Variants in UBE2E2 observed in about 807,000 individuals in gnomAD.
UBE2E2 encodes the protein ubiquitin-conjugating enzyme E2 E2.
Under a neutral mutation model 24.7 loss-of-function variants are expected in UBE2E2, and 6 were observed. That is an observed-to-expected ratio of 0.24 (90% CI 0.13 to 0.48). The LOEUF is 0.48. UBE2E2 is among the 20% of genes least tolerant of loss of function. The pLI, the probability that UBE2E2 is intolerant of heterozygous loss-of-function variation, is 0.99. For synonymous variants in UBE2E2, 104 were observed against 83.6 expected, an observed-to-expected ratio of 1.24 and a Z score of -1.33; for missense variants, 169 against 245.0, an observed-to-expected ratio of 0.69 and a Z score of 2.07.
At chr3:23,466,075 G>A (rs1698913143) in intron 3 of UBE2E2, among the ~76,000 whole-genome samples, 1 of 152,080 alleles carries the variant, frequency 6.6e-6, no homozygotes, top group Non-Finnish European at 1.5e-5. Context: ...ATTGTCACCA[G>A]AAGTATGCAG....
chr3:23,583,638 C>A lies in UBE2E2; in HGVS notation c.509-6096C>A, dbSNP rs1434465090. Among the ~76,000 whole-genome samples, 1 of 152,110 alleles carries A rather than the reference C, an allele frequency of 6.6e-6. No individual in the cohort carries two copies. The highest frequency in any genetic ancestry group is 1.5e-5 in the Non-Finnish European group (1 of 68,000). On this transcript the variant is annotated intron_variant, in intron 5 of 5. Coordinates refer to ENST00000396703, the MANE Select transcript of UBE2E2 (RefSeq NM_152653.4). The surrounding 1 kb of genome is among the most constrained non-coding windows in gnomAD (Gnocchi z 4.1). ...TGTAATTCTCATTGTAAAGATCTTT[C>A]ACCTCCCTGGTTAGCTGTATTTTAT...
chr3:23,560,287 A>T (rs1277844444), intron 5 of UBE2E2, among the ~76,000 whole-genome samples: 55 of 136,326 alleles, frequency 4.0e-4, no homozygotes, highest in African/African-American at 1.5e-3. Flanking sequence ...TCGTTGTTCA[A>T]TTCCCACCTA....
At chr3:23,208,466 A>G (rs1330270739) in intron 1 of UBE2E2, among the ~76,000 whole-genome samples, 2 of 152,218 alleles carry the variant, frequency 1.3e-5, no homozygotes, top group African/African-American at 4.8e-5. Context: ...TAATGTTGCT[A>G]TGAACATTTC....
intron 3 of UBE2E2, among the ~76,000 whole-genome samples, chr3:23,452,586 C>G (rs1698584845): frequency 6.6e-6 from 1 of 152,184 alleles, no homozygotes; most frequent in Non-Finnish European, 1.5e-5. Context: ...TAGAATAACA[C>G]TGTAACTTGA....
At chr3:23,424,174 A>G (rs745440300) in intron 3 of UBE2E2, among the ~76,000 whole-genome samples, 15 of 152,352 alleles carry the variant, frequency 9.8e-5, no homozygotes, top group South Asian at 2.1e-4. Context: ...TGAATAAGAT[A>G]TAAATGTTTA....
intron 3 of UBE2E2, among the ~76,000 whole-genome samples, chr3:23,270,381 C>G (rs1218856644): frequency 1.3e-5 from 2 of 152,036 alleles, no homozygotes; most frequent in Non-Finnish European, 2.9e-5. Context: ...TGTCTTTTGC[C>G]GTTCCTGCAC....
intron 5 of UBE2E2, among the ~76,000 whole-genome samples, chr3:23,578,810 C>G (rs771769011): frequency 6.6e-6 from 1 of 152,112 alleles, no homozygotes; most frequent in Non-Finnish European, 1.5e-5. Flanking sequence ...GGAAGAATAA[C>G]TAATGGATGC....
At chr3:23,208,970 C>T (rs998026340) in intron 2 of UBE2E2, 95 bp downstream of exon 2, 16 of 1,275,022 alleles carry the variant, frequency 1.3e-5, no homozygotes, top group South Asian at 8.5e-5. Flanking sequence ...TCTGGGATGT[C>T]GGCCGTGAAC....
At chr3:23,335,522 T>A (rs1018892898) in intron 3 of UBE2E2, among the ~76,000 whole-genome samples, 1 of 152,148 alleles carries the variant, frequency 6.6e-6, no homozygotes, top group Non-Finnish European at 1.5e-5. Flanking sequence ...AATTACTGTT[T>A]AGTGAAATTT....
rs541350073 is a variant in UBE2E2, at chr3:23,499,195, G to T, written c.228-413G>T. On this transcript the variant is annotated intron_variant, in intron 3 of 5. Transcript: ENST00000396703. The stretch of plus-strand genomic sequence containing the variant: ...TGATATTTGAGCAGAGACTTTGGAT[G>T]ATGAACATTGAACCTCCTTTGTGTT... Among the ~76,000 whole-genome samples, 19 of 152,316 alleles carry T rather than the reference G, an allele frequency of 1.2e-4. 1 individual carries two copies. The highest frequency in any genetic ancestry group is 4.6e-4 in the African/African-American group (19 of 41,580).
chr3:23,209,411 TTGAA>T (rs1696254226), intron 2 of UBE2E2, among the ~76,000 whole-genome samples: 1 of 152,196 alleles, frequency 6.6e-6, no homozygotes, highest in African/African-American at 2.4e-5. Flanking sequence ...AAGTAGGTAT[TTGAA>T]TGATTTTCTG....
chr3:23,506,410 C>T (rs1694458390), intron 4 of UBE2E2, among the ~76,000 whole-genome samples: 1 of 152,172 alleles, frequency 6.6e-6, no homozygotes, highest in South Asian at 2.1e-4. Flanking sequence ...TCTTTTTTTC[C>T]AGTTGCTAAA....
chr3:23,534,915 C>T (rs1695215028), intron 5 of UBE2E2, among the ~76,000 whole-genome samples: 2 of 152,170 alleles, frequency 1.3e-5, no homozygotes, highest in Non-Finnish European at 2.9e-5. Context: ...ACAAATTTAA[C>T]TCACTTAAAA....
At chr3:23,521,381 C>G (rs577964927) in intron 4 of UBE2E2, among the ~76,000 whole-genome samples, 1 of 152,230 alleles carries the variant, frequency 6.6e-6, no homozygotes, top group Non-Finnish European at 1.5e-5. Flanking sequence ...ACTATCTCAG[C>G]TGTTGTGCTT....
In UBE2E2 at chr3:23,516,047, C is replaced by CA. The variant is rs199562295; in HGVS notation, c.360+16313dup. On this transcript the variant is annotated intron_variant, in intron 4 of 5. Transcript: ENST00000396703. ...GAACATTTCTTACATCATTCCACTC[C>CA]AAAAAAGATGTTGAAGTACATGTGC... is the stretch of plus-strand genomic sequence containing the variant. 5.8e-3 allele frequency among the ~76,000 whole-genome samples: 876 copies of CA among 152,200 alleles called. 9 individuals are homozygous for CA. The highest frequency in any genetic ancestry group is 0.02 in the African/African-American group (844 of 41,534).
intron 3 of UBE2E2, among the ~76,000 whole-genome samples, chr3:23,322,306 A>T (rs987207593): frequency 3.9e-5 from 6 of 152,162 alleles, no homozygotes; most frequent in Admixed American, 3.3e-4. Context: ...GGTCGGTAGG[A>T]TACCTTTAAA....
intron 3 of UBE2E2, among the ~76,000 whole-genome samples, chr3:23,244,076 G>A (rs1697323862): frequency 6.7e-6 from 1 of 149,550 alleles, no homozygotes; most frequent in African/African-American, 2.5e-5. Flanking sequence ...GATTTTATAG[G>A]AAGAATATCA....
At chr3:23,537,648 C>T (rs1695296912) in intron 5 of UBE2E2, among the ~76,000 whole-genome samples, 1 of 152,116 alleles carries the variant, frequency 6.6e-6, no homozygotes, top group South Asian at 2.1e-4. Flanking sequence ...CTTCTTCATT[C>T]TCCAACATCA....
chr3:23,286,062 A>C (rs542827656), intron 3 of UBE2E2, among the ~76,000 whole-genome samples: 1 of 152,088 alleles, frequency 6.6e-6, no homozygotes, highest in Non-Finnish European at 1.5e-5. Context: ...TTAGTTCCTT[A>C]TATATTCTGG....
Sources: allele counts gnomAD v4.1 joint callset (sites outside exome capture counted in the v4.1 genomes callset), GRCh38; gene constraint gnomAD v4.1.1; non-coding constraint Gnocchi (gnomAD v3.1); transcripts MANE v1.5; gene names NCBI Gene and HGNC (gene_info 2026-07-23, HGNC 2026-07-21).